Variants in FRMD4A observed in about 807,000 individuals in gnomAD.
FRMD4A encodes the protein FERM domain-containing protein 4A.
Under a neutral mutation model 129.1 loss-of-function variants are expected in FRMD4A, and 29 were observed. That is an observed-to-expected ratio of 0.22 (90% CI 0.17 to 0.31). The LOEUF is 0.31. Ranked by LOEUF, FRMD4A falls within the 10% of genes least tolerant of loss-of-function variation. FRMD4A has a pLI of 1.00. For missense variants in FRMD4A, 1,272 were observed against 1,375.8 expected (o/e 0.92, Z 1.19); for synonymous variants, 634 against 571.6 (o/e 1.11, Z -1.56).
intron 2 of FRMD4A, among the ~76,000 whole-genome samples, chr10:13,864,603 T>C (rs1208307749): frequency 6.7e-6 from 1 of 149,590 alleles, no homozygotes; most frequent in African/African-American, 2.5e-5. Context: ...TGAGCCAGTG[T>C]CTCCCTCTGT....
intron 2 of FRMD4A, among the ~76,000 whole-genome samples, chr10:13,948,374 G>A (rs2095347796): frequency 6.6e-6 from 1 of 151,748 alleles, no homozygotes; most frequent in Non-Finnish European, 1.5e-5. Flanking sequence ...TACATATTCG[G>A]AGTTTAGTAT....
chr10:14,008,362 A>C (rs1444297267), intron 2 of FRMD4A: 2 of 1,028,896 alleles, frequency 1.9e-6, no homozygotes, highest in African/African-American at 3.4e-5. Context: ...GAAGAAAGAA[A>C]ACCAGCCCAA....
chr10:13,710,288 C>G (rs188445093), intron 12 of FRMD4A: 1 of 152,262 alleles, frequency 6.6e-6, no homozygotes, highest in Non-Finnish European at 1.5e-5. Context: ...CAGAATGCTC[C>G]GAGGGGTTGT....
chr10:13,805,000 C>A (rs1347963025), intron 4 of FRMD4A, among the ~76,000 whole-genome samples: 4 of 152,106 alleles, frequency 2.6e-5, no homozygotes, highest in Non-Finnish European at 5.9e-5. Context: ...AACATCCTGG[C>A]CGCAGGGTGT....
chr10:14,224,987 A>G (rs1264932010), intron 2 of FRMD4A, among the ~76,000 whole-genome samples: 1 of 152,190 alleles, frequency 6.6e-6, no homozygotes, highest in African/African-American at 2.4e-5. Flanking sequence ...CCCTCTCATC[A>G]TGATGTACAA....
intron 2 of FRMD4A, among the ~76,000 whole-genome samples, chr10:14,048,792 C>T (rs1467180697): frequency 1.3e-5 from 2 of 150,728 alleles, no homozygotes; most frequent in African/African-American, 2.4e-5. Flanking sequence ...GGTGACAGAG[C>T]GAGACTCTTG....
chr10:13,932,931 C>A (rs539410578), intron 2 of FRMD4A, among the ~76,000 whole-genome samples: 37 of 152,184 alleles, frequency 2.4e-4, no homozygotes, highest in African/African-American at 8.9e-4. Flanking sequence ...GAGGCTGAGG[C>A]GGGTGGATCA....
Position 13,657,024 on chromosome 10 carries a change from G to A in FRMD4A, c.2565C>T (p.Ser855=). The stretch of plus-strand genomic sequence containing the variant: ...TGACGCTGTAGTGGCCCTCCTGGTC[G>A]CTCTCCAGGCTGCGCACCACCACGG... ...ATPVVVRSLE[S]DQEGHYSVKA... The change falls in exon 22 of 25, where the codon AGC becomes AGT. Residue 855 remains serine (S), a synonymous_variant. Coordinates refer to ENST00000357447, the MANE Select transcript of FRMD4A (RefSeq NM_018027.5). 4 of 1,568,618 alleles carry A rather than the reference G, an allele frequency of 2.6e-6. No individual in the cohort carries two copies. Among genetic ancestry groups the A allele is most frequent in the East Asian group, 4.8e-5 (2 of 41,800 alleles).
chr10:14,170,821 T>TG (rs1841435486), intron 2 of FRMD4A, among the ~76,000 whole-genome samples: 2 of 28,402 alleles, frequency 7.0e-5, no homozygotes, highest in East Asian at 0.2. Flanking sequence ...TGGCCTCTTC[T>TG]CCCCGTCCTC....
chr10:13,817,651 C>T (rs950942011), intron 3 of FRMD4A, among the ~76,000 whole-genome samples: 4 of 152,224 alleles, frequency 2.6e-5, no homozygotes, highest in South Asian at 4.1e-4. Flanking sequence ...TTCCCCTGCA[C>T]AAGCTCTCTT....
chr10:14,042,671 A>C (rs1833824341), intron 2 of FRMD4A, among the ~76,000 whole-genome samples: 1 of 152,112 alleles, frequency 6.6e-6, no homozygotes. Flanking sequence ...TAAGAAATTT[A>C]TTTGAAAACA....
chr10:13,657,800 T>C (rs2082301111), intron 21 of FRMD4A, among the ~76,000 whole-genome samples: 1 of 151,320 alleles, frequency 6.6e-6, no homozygotes, highest in Non-Finnish European at 1.5e-5. Flanking sequence ...TTTTTTTTTT[T>C]TTTAAATAAT....
rs907688112 is a variant in FRMD4A, at chr10:13,880,430, T to C, written c.46-21518A>G. ...TCATCATCATCATTGTCATCATTTG[T>C]CTGGATTCTTGCAAATGTGCTTCCA... On this transcript the variant is annotated intron_variant, in intron 2 of 24. Coordinates refer to ENST00000357447, the MANE Select transcript of FRMD4A (RefSeq NM_018027.5). Among the ~76,000 whole-genome samples the C allele has an allele frequency of 3.9e-5, 6 of 152,236 alleles. No individual in the cohort carries two copies. In the East Asian group the frequency reaches 1.2e-3, roughly 29 times the overall value.
At chr10:13,931,160 G>T (rs1389220812) in intron 2 of FRMD4A, among the ~76,000 whole-genome samples, 1 of 152,144 alleles carries the variant, frequency 6.6e-6, no homozygotes, top group African/African-American at 2.4e-5. Context: ...AGGTCAGGGG[G>T]AAGAGGAGAT....
chr10:14,248,287 A>G (rs1844315573), intron 2 of FRMD4A, among the ~76,000 whole-genome samples: 1 of 152,234 alleles, frequency 6.6e-6, no homozygotes, highest in African/African-American at 2.4e-5. Flanking sequence ...TGACTATATG[A>G]ACTCAAAGAT....
At chr10:13,782,446 T>G (rs575904176) in intron 6 of FRMD4A, among the ~76,000 whole-genome samples, 16 of 31,008 alleles carry the variant, frequency 5.2e-4, no homozygotes, top group Middle Eastern at 0.023. Context: ...TTATTATTAT[T>G]CCTTTTTTTT....
chr10:14,028,633 G>T (rs1335756731), intron 2 of FRMD4A, among the ~76,000 whole-genome samples: 1 of 152,174 alleles, frequency 6.6e-6, no homozygotes, highest in African/African-American at 2.4e-5. Context: ...CTTTTCAAAG[G>T]ATAAATGCTT....
intron 12 of FRMD4A, among the ~76,000 whole-genome samples, chr10:13,730,994 C>T (rs2090286076): frequency 5.3e-5 from 8 of 151,288 alleles, no homozygotes; most frequent in Admixed American, 5.3e-4. Flanking sequence ...TGCCACTGCA[C>T]TCCAGCCTGG....
rs188357710 is a variant in FRMD4A at position 13,662,510 on chromosome 10, C to T, written c.1660+943G>A. Among the ~76,000 whole-genome samples the T allele has an allele frequency of 1.8e-4, 28 of 152,274 alleles. No individual in the cohort carries two copies. In the East Asian group the frequency reaches 3.9e-3, roughly 21 times the overall value. ...TAATTAATGTACCCGCCTCCCAGTA[C>T]GATGGTTAAACATCCACAGGAGTAT... On this transcript the variant is annotated intron_variant, in intron 19 of 24. Coordinates refer to ENST00000357447, the MANE Select transcript of FRMD4A (RefSeq NM_018027.5).
Sources: allele counts gnomAD v4.1 joint callset (sites outside exome capture counted in the v4.1 genomes callset), GRCh38; gene constraint gnomAD v4.1.1; transcripts MANE v1.5; gene names NCBI Gene and HGNC (gene_info 2026-07-23, HGNC 2026-07-21).